Variants in TMEM117 observed in about 807,000 individuals in gnomAD.
The protein encoded by TMEM117 is transmembrane protein 117.
In TMEM117, 27 loss-of-function variants were observed where a neutral mutation model predicts 52.4. That is an observed-to-expected ratio of 0.51 (90% CI 0.38 to 0.71). The LOEUF is 0.71. Among genes scored for constraint, TMEM117 ranks in the 30% least tolerant of loss-of-function variants. The pLI is 0.00. For missense variants in TMEM117, 556 were observed against 630.5 expected (o/e 0.88, Z 1.26); for synonymous variants, 215 against 206.3 (o/e 1.04, Z -0.36).
intron 3 of TMEM117, among the ~76,000 whole-genome samples, chr12:44,018,919 C>T (rs562685171): frequency 1.3e-5 from 2 of 151,852 alleles, no homozygotes; most frequent in African/African-American, 4.8e-5. Flanking sequence ...GGGGTTTCAC[C>T]GTGTTGGCCA....
chr12:44,101,291 G>C lies in TMEM117; in HGVS notation c.411-42234G>C, dbSNP rs573646825. Among the ~76,000 whole-genome samples the C allele has an allele frequency of 9.2e-5, 14 of 151,900 alleles. No homozygotes were observed. The East Asian group carries it at 1.2e-3, about 13-fold the overall frequency. ...TAATCAACATCTTAGGTTGGTGATG[G>C]TGCCTTCGAGTGACACAAACATTGA... On this transcript the variant is annotated intron_variant, in intron 3 of 7. Coordinates refer to ENST00000266534, the MANE Select transcript of TMEM117 (RefSeq NM_032256.3).
intron 4 of TMEM117, among the ~76,000 whole-genome samples, chr12:44,166,344 A>G (rs1948967024): frequency 6.6e-6 from 1 of 152,232 alleles, no homozygotes; most frequent in African/African-American, 2.4e-5. Context: ...ACACATGTTT[A>G]GTAGTGCTAA....
At chr12:44,319,557 T>C (rs1403275325) in intron 6 of TMEM117, among the ~76,000 whole-genome samples, 1 of 152,222 alleles carries the variant, frequency 6.6e-6, no homozygotes, top group Non-Finnish European at 1.5e-5. Flanking sequence ...CCTTTTGAAT[T>C]AAAATTCATG....
intron 4 of TMEM117, among the ~76,000 whole-genome samples, chr12:44,153,057 A>G (rs1267235854): frequency 1.3e-5 from 2 of 151,756 alleles, no homozygotes; most frequent in African/African-American, 2.4e-5. Flanking sequence ...CAGAAGTACT[A>G]CAAAAGAAGC....
rs1949819455 is a variant in TMEM117 at position 44,223,584 on chromosome 12, T to C, written c.608+12197T>C. ...ACACATGGTTTCAAAACAAAGGCTA[T>C]TAAGAGTGTTCTGCTTTTCTCCAAA... On this transcript the variant is annotated intron_variant, in intron 5 of 7. Transcript: ENST00000266534. 2.0e-5 allele frequency among the ~76,000 whole-genome samples: 3 copies of C among 152,314 alleles called. No homozygotes were observed. In the South Asian group the frequency reaches 6.2e-4, roughly 32 times the overall value.
intron 2 of TMEM117, among the ~76,000 whole-genome samples, chr12:43,881,225 A>T (rs1943890491): frequency 1.3e-5 from 2 of 152,138 alleles, no homozygotes; most frequent in African/African-American, 4.8e-5. Context: ...ACTTTACTTT[A>T]TATTTGTAGG....
At chr12:44,098,787 A>G (rs929229505) in intron 3 of TMEM117, among the ~76,000 whole-genome samples, 1 of 152,126 alleles carries the variant, frequency 6.6e-6, no homozygotes, top group Admixed American at 6.6e-5. Flanking sequence ...TCTAAAAGGA[A>G]TAGGTCTTAG....
chr12:43,798,125 G>C, the TMEM117 span, among the ~76,000 whole-genome samples: 1 of 152,038 alleles, frequency 6.6e-6, no homozygotes, highest in African/African-American at 2.4e-5. Flanking sequence ...AGTGTCATCA[G>C]ATTACACCAC....
At position 44,068,014 on chromosome 12, in the gene TMEM117, C is replaced by T. The variant is rs142380787; in HGVS notation, c.411-75511C>T. Among the ~76,000 whole-genome samples, 215 of 152,332 alleles carry T rather than the reference C, an allele frequency of 1.4e-3. 3 individuals carry two copies. In the East Asian group the frequency reaches 0.025, roughly 18 times the overall value. ...TTCTCCATTAGCACTTGCTTCTTCA[C>T]CTGGCACTTTTATGTTGTAGAGGTG... On this transcript the variant is annotated intron_variant, in intron 3 of 7. Transcript: ENST00000266534.
chr12:44,254,512 A>C (rs564820464), intron 5 of TMEM117, among the ~76,000 whole-genome samples: 5 of 152,058 alleles, frequency 3.3e-5, no homozygotes, highest in Non-Finnish European at 7.4e-5. Flanking sequence ...AAACATTCTC[A>C]TACTCTACTG....
At chr12:43,872,438 CAT>C (rs1197370141) in intron 2 of TMEM117, among the ~76,000 whole-genome samples, 3 of 152,182 alleles carry the variant, frequency 2.0e-5, no homozygotes, top group African/African-American at 7.2e-5. Context: ...AACTCAGTGA[CAT>C]AGCAGGTATT....
intron 3 of TMEM117, among the ~76,000 whole-genome samples, chr12:44,054,375 C>T (rs1947018981): frequency 6.6e-6 from 1 of 152,038 alleles, no homozygotes. Context: ...AAAGGCTGCT[C>T]TTTTTTATAA....
chr12:44,184,570 G>C lies in TMEM117; in HGVS notation c.511-26720G>C, dbSNP rs190858096. ...AAGATGGTAGAAGGGGACCAAGCAG[G>C]CAGCCTCTAGAAGCAGAGAAAAACC... is the stretch of plus-strand genomic sequence containing the variant. On this transcript the variant is annotated intron_variant, in intron 4 of 7. Transcript: ENST00000266534. 3.4e-3 allele frequency among the ~76,000 whole-genome samples: 518 copies of C among 152,176 alleles called. 5 individuals are homozygous for C. The highest frequency in any genetic ancestry group is 0.011 in the African/African-American group (477 of 41,532).
intron 5 of TMEM117, among the ~76,000 whole-genome samples, chr12:44,215,126 A>G (rs373008543): frequency 1.3e-5 from 2 of 152,328 alleles, no homozygotes; most frequent in East Asian, 3.9e-4. Context: ...GGTGGAGAAA[A>G]AATTTTGCAA....
intron 3 of TMEM117, among the ~76,000 whole-genome samples, chr12:44,052,482 G>GT (rs1227421701): frequency 1.3e-5 from 2 of 152,162 alleles, no homozygotes; most frequent in Non-Finnish European, 2.9e-5. Flanking sequence ...ACTCCAGGCA[G>GT]TTGTGGGTGT....
intron 3 of TMEM117, among the ~76,000 whole-genome samples, chr12:44,038,099 T>TGGACACAGGACAA (rs1351557005): frequency 3.7e-4 from 57 of 152,144 alleles, no homozygotes; most frequent in Admixed American, 3.7e-3. Context: ...TCATTTTTCC[T>TGGACACAGGACAA]GGACACAGGA....
At chr12:44,165,149 T>G (rs1948948984) in intron 4 of TMEM117, among the ~76,000 whole-genome samples, 1 of 152,160 alleles carries the variant, frequency 6.6e-6, no homozygotes, top group Non-Finnish European at 1.5e-5. Context: ...AGATCAACTT[T>G]TTTAGCTCCA....
chr12:44,021,938 G>A (rs902854341), intron 3 of TMEM117, among the ~76,000 whole-genome samples: 2 of 152,128 alleles, frequency 1.3e-5, no homozygotes, highest in African/African-American at 4.8e-5. Context: ...CTTTTCTGTG[G>A]TCAACCCCCA....
At chr12:43,959,522 C>G (rs937532574) in intron 3 of TMEM117, among the ~76,000 whole-genome samples, 1 of 152,114 alleles carries the variant, frequency 6.6e-6, no homozygotes, top group Non-Finnish European at 1.5e-5. Flanking sequence ...GCTTTCTGAT[C>G]CCTTACACAA....
Sources: gnomAD v4.1 joint callset for allele counts (sites outside exome capture counted in the v4.1 genomes callset) on GRCh38, gnomAD v4.1.1 for gene constraint, MANE v1.5 for transcripts, NCBI Gene and HGNC (gene_info 2026-07-23, HGNC 2026-07-21) for gene names.